Variants in ARHGEF10 observed in about 807,000 individuals in gnomAD.
ARHGEF10 encodes the protein Rho guanine nucleotide exchange factor 10.
In ARHGEF10, 140 loss-of-function variants were observed where a neutral mutation model predicts 147.4. That is an observed-to-expected ratio of 0.95 (90% CI 0.83 to 1.09). The LOEUF (loss-of-function observed/expected upper bound fraction) is 1.09. ARHGEF10 is among the 50% of genes least tolerant of loss of function. The pLI is 0.00. For synonymous variants in ARHGEF10, 902 were observed against 695.8 expected (o/e 1.30, Z -4.67); for missense variants, 2,222 against 1,752.7 (o/e 1.27, Z -4.78).
At chr8:1,904,720 C>T (rs148827160) in intron 16 of ARHGEF10, among the ~76,000 whole-genome samples, 88 of 152,206 alleles carry the variant, frequency 5.8e-4, no homozygotes, top group Non-Finnish European at 1.0e-3. Context: ...TTCAGGGAGG[C>T]GGGTGTCTCG....
intron 11 of ARHGEF10, among the ~76,000 whole-genome samples, chr8:1,888,246 G>T (rs1404065948): frequency 7.7e-5 from 7 of 91,224 alleles, no homozygotes; most frequent in Admixed American, 7.1e-4. Context: ...GTGTGGTGAG[G>T]GTTGCGAGGA....
At chr8:1,922,111 C>T (rs934940032) in intron 18 of ARHGEF10, among the ~76,000 whole-genome samples, 1 of 151,944 alleles carries the variant, frequency 6.6e-6, no homozygotes, top group African/African-American at 2.4e-5. Flanking sequence ...GTGGGCCCGT[C>T]GTGGGATTTA....
chr8:1,853,060 G>A (rs556067929), intron 2 of ARHGEF10, among the ~76,000 whole-genome samples: 2 of 114,642 alleles, frequency 1.7e-5, no homozygotes, highest in Non-Finnish European at 3.7e-5. Flanking sequence ...GGGCGCTGGC[G>A]GGTGGTTAGA....
chr8:1,891,121 T>C (rs775197095), intron 11 of ARHGEF10, among the ~76,000 whole-genome samples: 2 of 152,222 alleles, frequency 1.3e-5, no homozygotes, highest in Non-Finnish European at 1.5e-5. Context: ...CTGTGTTGTG[T>C]TAGCACAGTG....
intron 9 of ARHGEF10, among the ~76,000 whole-genome samples, chr8:1,881,472 G>A (rs908538629): frequency 4.6e-5 from 7 of 152,244 alleles, no homozygotes; most frequent in African/African-American, 1.7e-4. Flanking sequence ...CTGCGGCATC[G>A]GGCGGGAGGC....
intron 1 of ARHGEF10, among the ~76,000 whole-genome samples, chr8:1,836,954 C>T (rs992468570): frequency 6.6e-5 from 10 of 152,182 alleles, no homozygotes; most frequent in African/African-American, 2.2e-4. Context: ...TTTCACCTCC[C>T]ACAATGATTC....
At position 1,929,315 on chromosome 8, in the gene ARHGEF10, C is replaced by A. The variant is rs1433358981; in HGVS notation, c.2951C>A (p.Ser984Tyr). The change falls in exon 25 of 29, where the codon TCC becomes TAC. Residue 984 changes from serine (S) to tyrosine (Y), a missense_variant. Transcript: ENST00000349830. ...TCCATTTATAAAAGCAGTCAAGGCTCCAAGAAAGTGAGACTTCAGCACTTT... is the reference window on the plus strand; with the variant it reads ...TCCATTTATAAAAGCAGTCAAGGCTACAAGAAAGTGAGACTTCAGCACTTT... ...SISIYKSSQG[S>Y]KKVRLQHFFT... 1 of 1,614,004 alleles carries A rather than the reference C, an allele frequency of 6.2e-7. No homozygotes were observed.
intron 26 of ARHGEF10, among the ~76,000 whole-genome samples, chr8:1,942,999 T>C (rs1217537884): frequency 6.6e-6 from 1 of 152,220 alleles, no homozygotes; most frequent in East Asian, 1.9e-4. Flanking sequence ...ACTTCCCGAA[T>C]ATACTAAAAA....
chr8:1,873,065 C>T (rs558837720), intron 7 of ARHGEF10, among the ~76,000 whole-genome samples: 1 of 152,350 alleles, frequency 6.6e-6, no homozygotes, highest in East Asian at 1.9e-4. Flanking sequence ...CAGCCGTCGG[C>T]CCCCTGCCGT....
Position 1,925,331 on chromosome 8 carries a change from A to C in ARHGEF10, c.2537A>C (p.His846Pro). The change falls in exon 22 of 29, where the codon CAC becomes CCC. Residue 846 changes from histidine to proline, a missense_variant. His to Pro is a moderately conservative substitution (Grantham distance 77). Transcript: ENST00000349830. ...TTCTGTGTGGAAGACGATGGGAATC[A>C]CATTAAAAAGGAGAAGCATCCTCTC... ...GWFCVEDDGN[H>P]IKKEKHPLLV... 6.2e-7 allele frequency: 1 copy of C among 1,614,196 alleles called. No individual in the cohort carries two copies. The highest frequency in any genetic ancestry group is 8.5e-7 in the Non-Finnish European group (1 of 1,180,036).
chr8:1,845,474 C>T (rs946010681), intron 2 of ARHGEF10, among the ~76,000 whole-genome samples: 1 of 152,090 alleles, frequency 6.6e-6, no homozygotes, highest in Non-Finnish European at 1.5e-5. Flanking sequence ...GCTGAGGAGG[C>T]GGGTACAGTT....
chr8:1,906,753 C>T (rs1464209665), intron 17 of ARHGEF10, among the ~76,000 whole-genome samples: 1 of 152,200 alleles, frequency 6.6e-6, no homozygotes, highest in Non-Finnish European at 1.5e-5. Context: ...CAGTGGTACG[C>T]TCTTGCGGGT....
upstream of ARHGEF10, among the ~76,000 whole-genome samples, chr8:1,823,748 T>C (rs1217732254): frequency 1.3e-5 from 2 of 151,344 alleles, no homozygotes; most frequent in Non-Finnish European, 3.0e-5. Flanking sequence ...GTGCGCAGCC[T>C]GGGCCGGGCG....
chr8:1,851,624 C>A (rs1805156847), intron 2 of ARHGEF10, among the ~76,000 whole-genome samples: 1 of 152,140 alleles, frequency 6.6e-6, no homozygotes, highest in Non-Finnish European at 1.5e-5. Context: ...TAAAAGCAAC[C>A]AAACTGGGGT....
At chr8:1,930,830 G>A (rs541143074) in intron 25 of ARHGEF10, among the ~76,000 whole-genome samples, 1 of 150,232 alleles carries the variant, frequency 6.7e-6, no homozygotes, top group Non-Finnish European at 1.5e-5. Flanking sequence ...TTCTCACTCC[G>A]GTAGGTGGAG....
chr8:1,874,904 A>C (rs1430717480), intron 7 of ARHGEF10, among the ~76,000 whole-genome samples: 5 of 21,758 alleles, frequency 2.3e-4, no homozygotes, highest in Admixed American at 3.0e-4. Flanking sequence ...GGGGCCGTGT[A>C]GGGGGTACAG....
intron 7 of ARHGEF10, among the ~76,000 whole-genome samples, chr8:1,873,806 G>A (rs1807396491): frequency 6.6e-6 from 1 of 152,138 alleles, no homozygotes; most frequent in African/African-American, 2.4e-5. Context: ...AGAACACAGG[G>A]AGAATATGGG....
intron 4 of ARHGEF10, among the ~76,000 whole-genome samples, chr8:1,861,940 T>A (rs1806166307): frequency 6.6e-6 from 1 of 152,284 alleles, no homozygotes; most frequent in Non-Finnish European, 1.5e-5. Context: ...AATTTATTTT[T>A]AAAATAACTT....
In ARHGEF10 at chr8:1,929,492, G is replaced by C. The variant is rs367792057; in HGVS notation, c.3079+49G>C. ...TGGCCGGTCCTTGGGGTTCACTCAG[G>C]GGACTGTGCATCCGGTTTAGCCTCC... On this transcript the variant is annotated intron_variant, in intron 25 of 28. Coordinates refer to ENST00000349830, the MANE Select transcript of ARHGEF10 (RefSeq NM_014629.4). 3.2e-5 allele frequency: 49 copies of C among 1,554,754 alleles called. No individual in the cohort carries two copies. The African/African-American group carries it at 6.3e-4, about 20-fold the overall frequency.
Sources: allele counts gnomAD v4.1 joint callset (sites outside exome capture counted in the v4.1 genomes callset), GRCh38; gene constraint gnomAD v4.1.1; transcripts MANE v1.5; gene names NCBI Gene and HGNC (gene_info 2026-07-23, HGNC 2026-07-21).